The following JPH4 variants were observed in gnomAD, a reference collection of about 807,000 sequenced individuals.
The protein encoded by JPH4 is junctophilin 4, also known as junctophilin-4.
A neutral mutation model predicts 57.6 loss-of-function variants in JPH4; 18 were observed. That is an observed-to-expected ratio of 0.31 (90% CI 0.22 to 0.46). JPH4 has a LOEUF of 0.46. JPH4 is among the 20% of genes least tolerant of loss of function. JPH4 has a pLI of 1.00. For missense variants in JPH4, 727 were observed against 911.1 expected, an observed-to-expected ratio of 0.80 and a Z score of 2.60; for synonymous variants, 425 against 406.6, an observed-to-expected ratio of 1.05 and a Z score of -0.54.
chr14:23,576,143 G>A lies in JPH4; in HGVS notation c.693C>T (p.Gly231=), dbSNP rs1889267744. 2.3e-6 allele frequency: 3 copies of A among 1,309,776 alleles called. No homozygotes were observed. The South Asian group carries it at 6.4e-5, about 28-fold the overall frequency. 81.1% of individuals were successfully genotyped at this position (1,309,776 alleles called of 1,614,324 possible). ...RSLLLSGLRA[G]GRRSSLGSKR... ...TGCTGCCCAGGGAGCTGCGACGTCC[G>A]CCCGCTCGGAGCCCGCTGAGCAGCA... The change falls in exon 3 of 6, where the codon GGC becomes GGT. Residue 231 remains glycine (G), a synonymous_variant. Transcript: ENST00000356300. This position sits in a 1 kb window ranked among gnomAD's most constrained non-coding sequence, Gnocchi z 8.0.
At position 23,575,422 on chromosome 14, in the gene JPH4, T is replaced by G; in HGVS notation, c.1151+263A>C. On this transcript the variant is annotated intron_variant, in intron 3 of 5. Coordinates refer to ENST00000356300, the MANE Select transcript of JPH4 (RefSeq NM_001146028.2). The surrounding 1 kb of genome is among the most constrained non-coding windows in gnomAD (Gnocchi z 6.9). Reference sequence around the variant, plus strand: ...ACAATGGATTCCATAGACATGCATCTCCACACAAAAGACACCGAGACACAT... The same window carrying G: ...ACAATGGATTCCATAGACATGCATCGCCACACAAAAGACACCGAGACACAT... The G allele has an allele frequency of 1.8e-6, 1 of 558,940 alleles. No homozygotes were observed. Among genetic ancestry groups the G allele is most frequent in the Non-Finnish European group, 3.2e-6 (1 of 312,562 alleles). 34.6% of individuals were successfully genotyped at this position (558,940 alleles called of 1,614,324 possible).
At position 23,576,125 on chromosome 14, in the gene JPH4, C is replaced by G; in HGVS notation, c.711G>C (p.Leu237=). The part of the protein sequence containing the change: ...GLRAGGRRSS[L]GSKRGSLRSE... ...TGCGCAGGGAGCCTCGCTTGCTGCC[C>G]AGGGAGCTGCGACGTCCGCCCGCTC... The change falls in exon 3 of 6, where the codon CTG becomes CTC. Residue 237 remains leucine (L), a synonymous_variant. Coordinates refer to ENST00000356300, the MANE Select transcript of JPH4 (RefSeq NM_001146028.2). The surrounding 1 kb of genome is among the most constrained non-coding windows in gnomAD (Gnocchi z 8.0). 1 of 1,309,818 alleles carries G rather than the reference C, an allele frequency of 7.6e-7. No individual in the cohort carries two copies. The highest frequency in any genetic ancestry group is 9.7e-7 in the Non-Finnish European group (1 of 1,030,524). 81.1% of individuals were successfully genotyped at this position (1,309,818 alleles called of 1,614,324 possible).
rs975681836 is a variant in JPH4 at position 23,568,114 on chromosome 14, C to T, written c.*1520G>A. On this transcript the variant is annotated 3_prime_UTR_variant, in exon 6 of 6. Transcript: ENST00000356300. ...TTTTTCCTGCAAGACTTGGTGTTGG[C>T]GGCACTGTTGTAGTTTAACTTCAAT... The T allele has an allele frequency of 7.1e-5, 70 of 984,788 alleles. No homozygotes were observed. In the East Asian group the frequency reaches 1.9e-3, roughly 27 times the overall value. The allele number at this position is 984,788 out of a possible 1,614,324, so 61.0% of individuals were successfully genotyped here.
chr14:23,573,849 G>A (rs1225802744), intron 3 of JPH4, among the ~76,000 whole-genome samples: 1 of 151,774 alleles, frequency 6.6e-6, no homozygotes, highest in East Asian at 1.9e-4. Context: ...CTAACATCCA[G>A]ACTCCCAGAC....
rs1284810631 is a variant in JPH4 at position 23,576,905 on chromosome 14, A to G, written c.379+170T>C. ...CAGGAGACAGACAATTGAGGAAAGC[A>G]TAATCATGGTGGGAGAGAGCAGAAA... On this transcript the variant is annotated intron_variant, in intron 2 of 5. Coordinates refer to ENST00000356300, the MANE Select transcript of JPH4 (RefSeq NM_001146028.2). This position sits in a 1 kb window ranked among gnomAD's most constrained non-coding sequence, Gnocchi z 8.0. Among the ~76,000 whole-genome samples the G allele has an allele frequency of 6.6e-6, 1 of 151,986 alleles. No individual in the cohort carries two copies. The highest frequency in any genetic ancestry group is 2.4e-5 in the African/African-American group (1 of 41,362).
Position 23,575,316 on chromosome 14 carries a change from G to A in JPH4, c.1151+369C>T. 1 of 305,534 alleles carries A rather than the reference G, an allele frequency of 3.3e-6. No individual in the cohort carries two copies. Among genetic ancestry groups the A allele is most frequent in the Non-Finnish European group, 6.2e-6 (1 of 161,924 alleles). The allele number at this position is 305,534 out of a possible 1,614,324, so 18.9% of individuals were successfully genotyped here. On this transcript the variant is annotated intron_variant, in intron 3 of 5. Transcript: ENST00000356300. The surrounding 1 kb of genome is among the most constrained non-coding windows in gnomAD (Gnocchi z 6.9). ...CTGGAGGCTGGATCAGCTGCAAGAGGAGGAAGACTAGGGACATGTTTTGAG... is the reference window on the plus strand; with the variant it reads ...CTGGAGGCTGGATCAGCTGCAAGAGAAGGAAGACTAGGGACATGTTTTGAG...
rs1394988040 is a variant in JPH4 at position 23,571,490 on chromosome 14, G to C, written c.1271-30C>G. The C allele has an allele frequency of 6.3e-7, 1 of 1,586,410 alleles. No homozygotes were observed. The highest frequency in any genetic ancestry group is 8.5e-7 in the Non-Finnish European group (1 of 1,174,220). On this transcript the variant is annotated intron_variant, in intron 4 of 5. Coordinates refer to ENST00000356300, the MANE Select transcript of JPH4 (RefSeq NM_001146028.2). The surrounding 1 kb of genome is among the most constrained non-coding windows in gnomAD (Gnocchi z 4.6). Reference sequence around the variant, plus strand: ...GTAGGGATAGCTGAGAATCAGAGGGGCCTAACTGGCCTTGGGCTGGAGTGG... The same window carrying C: ...GTAGGGATAGCTGAGAATCAGAGGGCCCTAACTGGCCTTGGGCTGGAGTGG...
chr14:23,569,835 G>A lies in JPH4; in HGVS notation c.1804-118C>T. On this transcript the variant is annotated intron_variant, in intron 5 of 5. Coordinates refer to ENST00000356300, the MANE Select transcript of JPH4 (RefSeq NM_001146028.2). The surrounding 1 kb of genome is among the most constrained non-coding windows in gnomAD (Gnocchi z 4.8). ...CACCTCCCTGCACAGCCTGGAGCAG[G>A]GGGATCGCCAACATTTGTTTTGGAT... 1 of 645,972 alleles carries A rather than the reference G, an allele frequency of 1.5e-6. No homozygotes were observed. The highest frequency in any genetic ancestry group is 2.0e-5 in the South Asian group (1 of 50,900). The allele number at this position is 645,972 out of a possible 1,614,324, so 40.0% of individuals were successfully genotyped here.
Position 23,576,512 on chromosome 14 carries a change from C to T in JPH4, c.380-56G>A. On this transcript the variant is annotated intron_variant, in intron 2 of 5. Transcript: ENST00000356300. The surrounding 1 kb of genome is among the most constrained non-coding windows in gnomAD (Gnocchi z 8.0). The stretch of plus-strand genomic sequence containing the variant: ...TCAGGACGTGCCGCTGGGCTCCTTG[C>T]GCCCCAAGTCCCAAGCGCCCCTGGA... 7.6e-7 allele frequency: 1 copy of T among 1,316,734 alleles called. No individual in the cohort carries two copies. The allele number at this position is 1,316,734 out of a possible 1,614,324, so 81.6% of individuals were successfully genotyped here.
rs566287400 is a variant in JPH4 at position 23,570,565 on chromosome 14, G to A, written c.1803+363C>T. 2.6e-5 allele frequency among the ~76,000 whole-genome samples: 4 copies of A among 152,054 alleles called. No homozygotes were observed. The East Asian group carries it at 7.7e-4, about 29-fold the overall frequency. On this transcript the variant is annotated intron_variant, in intron 5 of 5. Coordinates refer to ENST00000356300, the MANE Select transcript of JPH4 (RefSeq NM_001146028.2). ...TTTTTTTTGTATTTTTAGTAGAGAC[G>A]GGGTTTCACTGTATTAGCCAGGATG...
rs1182587419 is a variant in JPH4, at chr14:23,571,458, G to A, written c.1273C>T (p.Arg425Cys). The change falls in exon 5 of 6, where the codon CGC (arginine) becomes TGC (cysteine). Residue 425 changes from arginine (R) to cysteine (C), a missense_variant and splice_region_variant. Physicochemically the swap from Arg to Cys is radical, Grantham distance 180. Around this residue, in one of 7 missense-constraint regions of JPH4, gnomAD observed 293 missense variants for 279.8 expected, o/e 1.05. Transcript: ENST00000356300. This position sits in a 1 kb window ranked among gnomAD's most constrained non-coding sequence, Gnocchi z 4.6. ...CCTTCTGAGTCCTGCCTGGGTCTGC[G>A]GCCTGGGTAGGGATAGCTGAGAATC... ...DLQPMLEAPGRRPRQDSEGSD... is the reference protein window; with the variant it reads ...DLQPMLEAPGCRPRQDSEGSD... 2 of 1,598,546 alleles carry A rather than the reference G, an allele frequency of 1.3e-6. No individual in the cohort carries two copies. Among genetic ancestry groups the A allele is most frequent in the East Asian group, 2.2e-5 (1 of 44,882 alleles).
rs1419412202 is a variant in JPH4 at position 23,571,322 on chromosome 14, G to C, written c.1409C>G (p.Pro470Arg). ...LPSSPASSRQ[P>R]WRPPACRSPL... ...GCTCCGGCAGGCAGGGGGTCGCCAG[G>C]GTTGGCGGGAGGAGGCAGGACTGCT... The change falls in exon 5 of 6, where the codon CCC becomes CGC. Residue 470 changes from proline (P) to arginine (R), a missense_variant. Physicochemically the swap from Pro to Arg is moderately radical, Grantham distance 103 (BLOSUM62 -2). Coordinates refer to ENST00000356300, the MANE Select transcript of JPH4 (RefSeq NM_001146028.2). The surrounding 1 kb of genome is among the most constrained non-coding windows in gnomAD (Gnocchi z 4.6). 6.3e-7 allele frequency: 1 copy of C among 1,596,414 alleles called. No individual in the cohort carries two copies. Among genetic ancestry groups the C allele is most frequent in the South Asian group, 1.1e-5 (1 of 89,710 alleles).
rs1246370466 is a variant in JPH4, at chr14:23,569,841, C to T, written c.1804-124G>A. The T allele has an allele frequency of 2.4e-5, 15 of 631,418 alleles. 1 individual carries two copies. Among genetic ancestry groups the T allele is most frequent in the Middle Eastern group, 4.3e-4 (1 of 2,310 alleles). The allele number at this position is 631,418 out of a possible 1,614,324, so 39.1% of individuals were successfully genotyped here. A position where few individuals can be genotyped will look rare whatever the true frequency, so the allele number is the denominator to read the frequency against. On this transcript the variant is annotated intron_variant, in intron 5 of 5. Coordinates refer to ENST00000356300, the MANE Select transcript of JPH4 (RefSeq NM_001146028.2). This position sits in a 1 kb window ranked among gnomAD's most constrained non-coding sequence, Gnocchi z 4.8. ...CCTGCACAGCCTGGAGCAGGGGGAT[C>T]GCCAACATTTGTTTTGGATTGCAAA...
rs1297604081 is a variant in JPH4, at chr14:23,571,566, G to C, written c.1271-106C>G. On this transcript the variant is annotated intron_variant, in intron 4 of 5. Coordinates refer to ENST00000356300, the MANE Select transcript of JPH4 (RefSeq NM_001146028.2). The surrounding 1 kb of genome is among the most constrained non-coding windows in gnomAD (Gnocchi z 4.6). Reference sequence around the variant, plus strand: ...CTTCCCAGGACTTTGGAATTCCCAGGCTCATAGCCTCTCACCGCCAGACCC... The same window carrying C: ...CTTCCCAGGACTTTGGAATTCCCAGCCTCATAGCCTCTCACCGCCAGACCC... 7.3e-7 allele frequency: 1 copy of C among 1,371,996 alleles called. No homozygotes were observed. Among genetic ancestry groups the C allele is most frequent in the Non-Finnish European group, 9.9e-7 (1 of 1,009,050 alleles). 85.0% of individuals were successfully genotyped at this position (1,371,996 alleles called of 1,614,324 possible). A position where few individuals can be genotyped will look rare whatever the true frequency, so the allele number is the denominator to read the frequency against.
chr14:23,575,630 C>A lies in JPH4; in HGVS notation c.1151+55G>T. On this transcript the variant is annotated intron_variant, in intron 3 of 5. Coordinates refer to ENST00000356300, the MANE Select transcript of JPH4 (RefSeq NM_001146028.2). This position sits in a 1 kb window ranked among gnomAD's most constrained non-coding sequence, Gnocchi z 6.9. The stretch of plus-strand genomic sequence containing the variant: ...CCTTAGGCACACCCGCCTTCCTGGT[C>A]CCCAGCGCACCCCCTCCTCTTAGCC... 6.4e-7 allele frequency: 1 copy of A among 1,551,394 alleles called. No individual in the cohort carries two copies.
chr14:23,575,825 C>A lies in JPH4; in HGVS notation c.1011G>T (p.Leu337=), dbSNP rs1324897306. Reference sequence around the variant, plus strand: ...GACTGCGGACGCGCCCGCCGTGCACCAGCCGGTTGCGCTTGTACTTGCCCT... The same window carrying A: ...GACTGCGGACGCGCCCGCCGTGCACAAGCCGGTTGCGCTTGTACTTGCCCT... ...REEGKYKRNR[L]VHGGRVRSLL... is the part of the protein sequence containing the mutation. The change falls in exon 3 of 6, where the codon CTG becomes CTT. Residue 337 remains leucine (L), a synonymous_variant. Coordinates refer to ENST00000356300, the MANE Select transcript of JPH4 (RefSeq NM_001146028.2). The surrounding 1 kb of genome is among the most constrained non-coding windows in gnomAD (Gnocchi z 6.9). 2 of 1,586,662 alleles carry A rather than the reference C, an allele frequency of 1.3e-6. No individual in the cohort carries two copies. Among genetic ancestry groups the A allele is most frequent in the Admixed American group, 3.5e-5 (2 of 56,598 alleles).
In JPH4 at chr14:23,568,679, C is replaced by G. The variant is rs1888921249; in HGVS notation, c.*955G>C. ...GAAGTGCCTCCTCCCACCACAACTC[C>G]CAGAGTTGGGATGTGGGGGCCTTGC... On this transcript the variant is annotated 3_prime_UTR_variant, in exon 6 of 6. Coordinates refer to ENST00000356300, the MANE Select transcript of JPH4 (RefSeq NM_001146028.2). The G allele has an allele frequency of 1.0e-6, 1 of 985,924 alleles. No homozygotes were observed. The highest frequency in any genetic ancestry group is 1.2e-6 in the Non-Finnish European group (1 of 829,982). The allele number at this position is 985,924 out of a possible 1,614,324, so 61.1% of individuals were successfully genotyped here. A position where few individuals can be genotyped will look rare whatever the true frequency, so the allele number is the denominator to read the frequency against.
Position 23,577,887 on chromosome 14 carries a change from G to C in JPH4, c.-171-263C>G, listed in dbSNP as rs1889315670. The C allele has an allele frequency of 6.4e-6, 1 of 156,176 alleles. No homozygotes were observed. The highest frequency in any genetic ancestry group is 1.4e-5 in the Non-Finnish European group (1 of 70,758). The allele number at this position is 156,176 out of a possible 1,614,324, so 9.7% of individuals were successfully genotyped here. ...CTCCAACCTAGAACCCCGAAGTGTC[G>C]AGTGTGGATGGCAGTTTGGGGGTCC... is the stretch of plus-strand genomic sequence containing the variant. On this transcript the variant is annotated intron_variant, in intron 1 of 5. Transcript: ENST00000356300. This position sits in a 1 kb window ranked among gnomAD's most constrained non-coding sequence, Gnocchi z 8.4.
chr14:23,572,477 C>T (rs1029797597), intron 3 of JPH4, among the ~76,000 whole-genome samples: 4 of 152,012 alleles, frequency 2.6e-5, no homozygotes, highest in African/African-American at 4.8e-5. Context: ...CCCGCCCCCT[C>T]GTTCAGAGCC....
Sources: allele counts gnomAD v4.1 joint callset (sites outside exome capture counted in the v4.1 genomes callset), GRCh38; gene constraint gnomAD v4.1.1; regional missense constraint gnomAD v4.1.1; non-coding constraint Gnocchi (gnomAD v3.1); transcripts MANE v1.5; gene names NCBI Gene and HGNC (gene_info 2026-07-23, HGNC 2026-07-21).